Variants in RAD51B observed in about 807,000 individuals in gnomAD.
RAD51B encodes DNA repair protein RAD51 homolog 2.
Under a neutral mutation model 42.2 loss-of-function variants are expected in RAD51B, and 38 were observed. The observed-to-expected ratio is 0.90, with a 90% CI of 0.70 to 1.18. The LOEUF is 1.18. Among genes scored for constraint, RAD51B ranks in the 50% most tolerant of loss-of-function variants. The pLI, the probability that RAD51B is intolerant of heterozygous loss-of-function variation, is 0.00. For missense variants in RAD51B, 373 were observed against 400.7 expected, an observed-to-expected ratio of 0.93 and a Z score of 0.59; for synonymous variants, 154 against 145.2, an observed-to-expected ratio of 1.06 and a Z score of -0.43.
intron 11 of RAD51B, among the ~76,000 whole-genome samples, chr14:68,672,227 G>T (rs1053906830): frequency 7.9e-5 from 12 of 152,132 alleles, no homozygotes; most frequent in African/African-American, 1.9e-4. Flanking sequence ...ATGCAATCTG[G>T]ACAAAAGCAT....
chr14:68,141,497 T>G (rs1341872647), intron 7 of RAD51B, among the ~76,000 whole-genome samples: 1 of 152,226 alleles, frequency 6.6e-6, no homozygotes. Context: ...TGATTGCATC[T>G]GCTACAGCAC....
At chr14:68,422,578 A>AG in intron 9 of RAD51B, among the ~76,000 whole-genome samples, 1 of 149,330 alleles carries the variant, frequency 6.7e-6, no homozygotes, top group African/African-American at 2.4e-5. Flanking sequence ...AAAAAAAAAA[A>AG]TTAGGGGTAG....
At chr14:68,358,814 G>C (rs1049974369) in intron 8 of RAD51B, among the ~76,000 whole-genome samples, 2 of 152,198 alleles carry the variant, frequency 1.3e-5, no homozygotes, top group South Asian at 4.1e-4. Flanking sequence ...TGATGGTAAA[G>C]AAATTATTAA....
intron 7 of RAD51B, among the ~76,000 whole-genome samples, chr14:68,092,415 A>G (rs1182820133): frequency 1.9e-4 from 29 of 152,238 alleles, no homozygotes; most frequent in African/African-American, 6.5e-4. Context: ...GGTCCTTCAC[A>G]TGCCTTGTAA....
chr14:68,377,834 C>T (rs930197710), intron 8 of RAD51B, among the ~76,000 whole-genome samples: 7 of 152,152 alleles, frequency 4.6e-5, no homozygotes, highest in Admixed American at 6.5e-5. Context: ...AGGGAAGGAG[C>T]GAGACAAAAT....
intron 9 of RAD51B, among the ~76,000 whole-genome samples, chr14:68,463,600 T>C (rs974673076): frequency 2.6e-5 from 4 of 152,226 alleles, no homozygotes; most frequent in African/African-American, 9.6e-5. Context: ...TGACAGAATC[T>C]TCAGGTTAGA....
intron 10 of RAD51B, among the ~76,000 whole-genome samples, chr14:68,616,881 T>G (rs1236760236): frequency 1.3e-5 from 2 of 152,044 alleles, no homozygotes; most frequent in Non-Finnish European, 1.5e-5. Flanking sequence ...CTAGTTTGCT[T>G]TGAATTTCAG....
At chr14:68,234,314 A>T (rs1160930646) in intron 7 of RAD51B, among the ~76,000 whole-genome samples, 1 of 152,234 alleles carries the variant, frequency 6.6e-6, no homozygotes, top group South Asian at 2.1e-4. Context: ...TAATGAGAAG[A>T]GACATTCAGG....
intron 7 of RAD51B, among the ~76,000 whole-genome samples, chr14:67,903,616 G>C (rs957459493): frequency 6.6e-6 from 1 of 152,070 alleles, no homozygotes; most frequent in Non-Finnish European, 1.5e-5. Context: ...AACCCTAATC[G>C]TGTTTTGGTA....
intron 7 of RAD51B, among the ~76,000 whole-genome samples, chr14:68,091,688 A>G (rs1223639867): frequency 6.6e-6 from 1 of 152,086 alleles, no homozygotes; most frequent in Non-Finnish European, 1.5e-5. Flanking sequence ...GCTGTGCAGA[A>G]GCTCTTTAGT....
At chr14:68,102,875 G>A (rs113043852) in intron 7 of RAD51B, among the ~76,000 whole-genome samples, 11 of 152,282 alleles carry the variant, frequency 7.2e-5, no homozygotes, top group African/African-American at 2.4e-4. Context: ...AAGGAAAGAG[G>A]TTTAGTTGAC....
At chr14:68,297,537 A>G (rs12880842) in intron 8 of RAD51B, among the ~76,000 whole-genome samples, 77,576 of 152,012 alleles carry the variant, frequency 0.51, 22,619 homozygotes, top group South Asian at 0.65. Context: ...TCACAGCCCA[A>G]TCTCAGACTA....
At chr14:68,576,198 C>T (rs575526837) in intron 10 of RAD51B, among the ~76,000 whole-genome samples, 59 of 152,294 alleles carry the variant, frequency 3.9e-4, no homozygotes, top group African/African-American at 1.4e-3. Flanking sequence ...CTGTACCTCA[C>T]ATTTGCCGGA....
chr14:68,587,815 G>T (rs1282515030), intron 10 of RAD51B, among the ~76,000 whole-genome samples: 1 of 152,246 alleles, frequency 6.6e-6, no homozygotes, highest in Admixed American at 6.5e-5. Context: ...ATAGCTGACT[G>T]GGCTGCACAG....
intron 8 of RAD51B, among the ~76,000 whole-genome samples, chr14:68,357,353 C>T (rs1286812204): frequency 6.6e-6 from 1 of 152,186 alleles, no homozygotes; most frequent in Non-Finnish European, 1.5e-5. Flanking sequence ...CTATTTCCGC[C>T]ACATCTGCAG....
intron 11 of RAD51B, among the ~76,000 whole-genome samples, chr14:68,681,810 C>A (rs1368686665): frequency 6.6e-6 from 1 of 152,208 alleles, no homozygotes; most frequent in Non-Finnish European, 1.5e-5. Context: ...CATGAAGAAG[C>A]ATTAGAAGGG....
intron 7 of RAD51B, among the ~76,000 whole-genome samples, chr14:68,029,652 A>C (rs574495440): frequency 2.0e-5 from 3 of 152,334 alleles, no homozygotes; most frequent in South Asian, 4.1e-4. Context: ...AAAGTAATGC[A>C]TGACAGCTGG....
chr14:68,037,455 G>C (rs529256188), intron 7 of RAD51B, among the ~76,000 whole-genome samples: 1 of 151,642 alleles, frequency 6.6e-6, no homozygotes, highest in African/African-American at 2.4e-5. Context: ...TTCTGACCTC[G>C]TGATCTGCCT....
intron 7 of RAD51B, among the ~76,000 whole-genome samples, chr14:67,965,151 G>A (rs899942104): frequency 1.1e-4 from 16 of 151,904 alleles, no homozygotes; most frequent in South Asian, 8.3e-4. Flanking sequence ...TAATTTTTCC[G>A]GATACTCTCC....
Sources: gnomAD v4.1 joint callset for allele counts (sites outside exome capture counted in the v4.1 genomes callset) on GRCh38, gnomAD v4.1.1 for gene constraint, MANE v1.5 for transcripts, NCBI Gene and HGNC (gene_info 2026-07-23, HGNC 2026-07-21) for gene names.